NBAS: variants seen among roughly 807,000 people sequenced by gnomAD.
NBAS encodes NBAS subunit of NRZ tethering complex, also known as NAG/BC035112 fusion.
A neutral mutation model predicts 302.5 loss-of-function variants in NBAS; 219 were observed. The ratio of observed to expected loss-of-function variants is 0.72; its 90% CI spans 0.65 to 0.81. NBAS has a LOEUF of 0.81. NBAS is among the 30% of genes least tolerant of loss of function. The pLI, the probability that NBAS is intolerant of heterozygous loss-of-function variation, is 0.00. For missense variants in NBAS, 2,932 were observed against 2,841.6 expected (o/e 1.03, Z -0.72); for synonymous variants, 1,118 against 1,021.6 (o/e 1.09, Z -1.80).
At chr2:15,412,446 G>T (rs1558314984) in intron 25 of NBAS, among the ~76,000 whole-genome samples, 3 of 152,188 alleles carry the variant, frequency 2.0e-5, no homozygotes, top group African/African-American at 4.8e-5. Context: ...TGACACTTGT[G>T]AGAAATAAAT....
intron 36 of NBAS, among the ~76,000 whole-genome samples, chr2:15,329,787 C>T (rs953135159): frequency 8.5e-5 from 13 of 152,138 alleles, no homozygotes; most frequent in East Asian, 1.9e-4. Flanking sequence ...TATCTCTGCT[C>T]GAAGTGACTC....
the NBAS span, among the ~76,000 whole-genome samples, chr2:15,046,134 T>C: frequency 1.3e-5 from 2 of 152,208 alleles, no homozygotes; most frequent in Non-Finnish European, 2.9e-5. Flanking sequence ...AGCTCTCCAA[T>C]GGTTTCAAAA....
chr2:15,024,803 G>T, the NBAS span, among the ~76,000 whole-genome samples: 2 of 151,932 alleles, frequency 1.3e-5, no homozygotes, highest in African/African-American at 4.8e-5. Context: ...TGCCCACTTT[G>T]TAATGGGCAA....
the NBAS span, among the ~76,000 whole-genome samples, chr2:14,821,716 G>A: frequency 1.3e-5 from 2 of 151,966 alleles, no homozygotes; most frequent in African/African-American, 4.8e-5. Flanking sequence ...TGTCTGGTTA[G>A]ATACATCCAA....
the NBAS span, among the ~76,000 whole-genome samples, chr2:15,069,403 C>A: frequency 3.9e-5 from 6 of 152,176 alleles, no homozygotes; most frequent in African/African-American, 1.4e-4. Flanking sequence ...CAGTGTTGTT[C>A]TCAACCCTTC....
rs772568495 is a variant in NBAS, at chr2:15,539,180, G to A, written c.513+43C>T. 13 of 1,611,364 alleles carry A rather than the reference G, an allele frequency of 8.1e-6. No homozygotes were observed. The Middle Eastern group carries it at 8.5e-4, about 105-fold the overall frequency. ...TTTATTCAAGTACCTATACATACAT[G>A]ACATTGAAAAAACTATGTTTTCAAT... On this transcript the variant is annotated intron_variant, in intron 7 of 51. Coordinates refer to ENST00000281513, the MANE Select transcript of NBAS (RefSeq NM_015909.4).
the NBAS span, among the ~76,000 whole-genome samples, chr2:14,849,293 C>T: frequency 6.6e-6 from 1 of 152,060 alleles, no homozygotes; most frequent in Non-Finnish European, 1.5e-5. Context: ...GCAGAAGCCT[C>T]AGGAGCCAAT....
At chr2:15,394,183 T>C (rs1296261250) in intron 28 of NBAS, 44 bp downstream of exon 28, 11 of 1,530,848 alleles carry the variant, frequency 7.2e-6, no homozygotes, top group African/African-American at 2.8e-5. Context: ...TTTAAAAATA[T>C]TTAAAATTAA....
chr2:15,230,813 TG>T (rs1222851114), intron 47 of NBAS, among the ~76,000 whole-genome samples: 2 of 152,108 alleles, frequency 1.3e-5, no homozygotes, highest in African/African-American at 4.8e-5. Flanking sequence ...ATGGCAGTAG[TG>T]AGATGGGCCC....
intron 51 of NBAS, among the ~76,000 whole-genome samples, chr2:15,172,145 G>C (rs745626184): frequency 6.6e-6 from 1 of 152,164 alleles, no homozygotes; most frequent in Non-Finnish European, 1.5e-5. Flanking sequence ...GTCACATCAC[G>C]AACTTCTCAG....
At chr2:15,115,363 G>A in the NBAS span, among the ~76,000 whole-genome samples, 33 of 152,296 alleles carry the variant, frequency 2.2e-4, no homozygotes, top group South Asian at 6.8e-3. Context: ...GTAAAACTTA[G>A]ATTTGATTAT....
chr2:15,189,642 C>G (rs974324590), intron 49 of NBAS, among the ~76,000 whole-genome samples: 7 of 152,168 alleles, frequency 4.6e-5, no homozygotes, highest in African/African-American at 1.7e-4. Context: ...ACCACCAGGA[C>G]TGGATAAGTA....
intron 40 of NBAS, among the ~76,000 whole-genome samples, chr2:15,296,367 C>T (rs971352352): frequency 1.3e-5 from 2 of 152,012 alleles, no homozygotes; most frequent in South Asian, 2.1e-4. Flanking sequence ...GGAGAAACCC[C>T]GTTTCTACTA....
the NBAS span, among the ~76,000 whole-genome samples, chr2:14,970,527 C>G: frequency 2.0e-5 from 3 of 152,122 alleles, no homozygotes; most frequent in African/African-American, 7.2e-5. Context: ...TTTAAAACAT[C>G]AAGAAAGAAA....
intron 37 of NBAS, 129 bp from the exon 38 acceptor site, chr2:15,327,999 T>C (rs1672153629): frequency 1.5e-6 from 2 of 1,352,968 alleles, no homozygotes; most frequent in Non-Finnish European, 1.0e-6. Context: ...AACTAAAGCA[T>C]GTTATTTTAT....
chr2:15,424,167 A>C (rs148450841), intron 23 of NBAS, 148 bp downstream of exon 23: 1 of 1,025,916 alleles, frequency 9.7e-7, no homozygotes, highest in Non-Finnish European at 1.5e-6. Flanking sequence ...AATGCACAGG[A>C]TAACAAAGAA....
chr2:14,943,608 TTTA>T, the NBAS span, among the ~76,000 whole-genome samples: 5 of 152,188 alleles, frequency 3.3e-5, no homozygotes, highest in Non-Finnish European at 7.3e-5. Context: ...TCAAGACCAC[TTTA>T]TTATTAATTA....
rs151195160 is a variant in NBAS, at chr2:15,447,812, G to A, written c.2339+13389C>T. Among the ~76,000 whole-genome samples, 1,013 of 152,232 alleles carry A rather than the reference G, an allele frequency of 6.7e-3. 11 individuals are homozygous for A. The highest frequency in any genetic ancestry group is 0.022 in the African/African-American group (925 of 41,546). ...CTGTCTTACTCCATTTATGCTGCTA[G>A]AACAAAATACCTGAGACTGGGTAAT... On this transcript the variant is annotated intron_variant, in intron 21 of 51. Coordinates refer to ENST00000281513, the MANE Select transcript of NBAS (RefSeq NM_015909.4).
chr2:15,512,837 G>A (rs944981886), intron 9 of NBAS, among the ~76,000 whole-genome samples: 1 of 152,116 alleles, frequency 6.6e-6, no homozygotes, highest in Non-Finnish European at 1.5e-5. Context: ...CAGAACTGCA[G>A]GGTAAGTTTG....
Sources: allele counts gnomAD v4.1 joint callset (sites outside exome capture counted in the v4.1 genomes callset), GRCh38; gene constraint gnomAD v4.1.1; transcripts MANE v1.5; gene names NCBI Gene and HGNC (gene_info 2026-07-23, HGNC 2026-07-21).